The following CTDSPL variants were observed in gnomAD, a reference collection of about 807,000 sequenced individuals.
CTDSPL encodes the protein CTD small phosphatase like.
A neutral mutation model predicts 30.5 loss-of-function variants in CTDSPL; 8 were observed. The ratio of observed to expected loss-of-function variants is 0.26; its 90% CI spans 0.15 to 0.47. The LOEUF (loss-of-function observed/expected upper bound fraction) is 0.47, where lower values mean the gene tolerates loss of function less well. Ranked by LOEUF, CTDSPL falls within the 20% of genes least tolerant of loss-of-function variation. CTDSPL has a pLI of 0.99. For missense variants in CTDSPL, 248 were observed against 366.1 expected (o/e 0.68, Z 2.63); for synonymous variants, 110 against 137.9 (o/e 0.80, Z 1.42).
At chr3:37,952,754 C>T (rs893277550) in intron 2 of CTDSPL, among the ~76,000 whole-genome samples, 1 of 152,198 alleles carries the variant, frequency 6.6e-6, no homozygotes, top group African/African-American at 2.4e-5. Context: ...CAGCATATTC[C>T]TGCTCTCAAC....
At chr3:37,875,984 T>C (rs956257989) in intron 1 of CTDSPL, among the ~76,000 whole-genome samples, 3 of 152,144 alleles carry the variant, frequency 2.0e-5, no homozygotes, top group African/African-American at 7.2e-5. Context: ...GGCTCACACC[T>C]GTAATCCCAG....
intron 5 of CTDSPL, among the ~76,000 whole-genome samples, chr3:37,969,185 CATAG>C (rs1333350263): frequency 6.6e-6 from 1 of 152,228 alleles, no homozygotes; most frequent in Admixed American, 6.5e-5. Context: ...TGCCCAATGG[CATAG>C]CAAGAATTAG....
chr3:37,880,531 T>A (rs1383166734), intron 1 of CTDSPL, among the ~76,000 whole-genome samples: 1 of 152,178 alleles, frequency 6.6e-6, no homozygotes, highest in East Asian at 1.9e-4. Context: ...TATTTTGTTG[T>A]TTATAGAACA....
chr3:37,956,398 A>G (rs1430123787), intron 2 of CTDSPL, among the ~76,000 whole-genome samples: 1 of 152,272 alleles, frequency 6.6e-6, no homozygotes, highest in Non-Finnish European at 1.5e-5. Context: ...GGAAATGCTC[A>G]GTGGAAATAA....
At chr3:37,946,646 G>A (rs1699042184) in intron 1 of CTDSPL, among the ~76,000 whole-genome samples, 1 of 152,236 alleles carries the variant, frequency 6.6e-6, no homozygotes, top group South Asian at 2.1e-4. Context: ...ATGGAGAGAT[G>A]CTTCCCAGGG....
chr3:37,972,664 T>G (rs1699380463), intron 6 of CTDSPL, among the ~76,000 whole-genome samples: 1 of 152,198 alleles, frequency 6.6e-6, no homozygotes, highest in South Asian at 2.1e-4. Flanking sequence ...CCCAGTATGG[T>G]TTAGTCTCCC....
rs557570770 is a variant in CTDSPL, at chr3:37,881,892, T to C, written c.79+19614T>C. Among the ~76,000 whole-genome samples, 15 of 152,334 alleles carry C rather than the reference T, an allele frequency of 9.8e-5. No homozygotes were observed. The South Asian group carries it at 2.9e-3, about 29-fold the overall frequency. ...CAGGGAGTTTCTGTTGTATCTCTAA[T>C]GTTTTGCTTTTTATGAACTGTTTTC... is the stretch of plus-strand genomic sequence containing the variant. On this transcript the variant is annotated intron_variant, in intron 1 of 7. Transcript: ENST00000273179.
chr3:37,974,038 C>T (rs946523057), intron 6 of CTDSPL, among the ~76,000 whole-genome samples: 2 of 152,190 alleles, frequency 1.3e-5, no homozygotes, highest in East Asian at 1.9e-4. Flanking sequence ...TTTCTTAAAA[C>T]GTTAGGAGAT....
rs75066328 is a variant in CTDSPL at position 37,938,289 on chromosome 3, G to A, written c.80-8768G>A. ...ATCGGTGCAGACCTCAGAGGTTTGGGTCCTGAAGCCAGGGGTTAAGGATGG... is the reference window on the plus strand; with the variant it reads ...ATCGGTGCAGACCTCAGAGGTTTGGATCCTGAAGCCAGGGGTTAAGGATGG... On this transcript the variant is annotated intron_variant, in intron 1 of 7. Coordinates refer to ENST00000273179, the MANE Select transcript of CTDSPL (RefSeq NM_001008392.2). Among the ~76,000 whole-genome samples the A allele has an allele frequency of 6.5e-3, 973 of 150,158 alleles. 81 individuals carry two copies. In the East Asian group the frequency reaches 0.083, roughly 13 times the overall value.
At chr3:37,976,024 A>G in intron 7 of CTDSPL, 130 bp downstream of exon 7, 1 of 994,052 alleles carries the variant, frequency 1.0e-6, no homozygotes, top group South Asian at 1.7e-5. Context: ...CAGCTCTGCC[A>G]TTTAGCAGTT....
At chr3:37,926,072 AT>A (rs1298636700) in intron 1 of CTDSPL, among the ~76,000 whole-genome samples, 3 of 152,212 alleles carry the variant, frequency 2.0e-5, no homozygotes, top group African/African-American at 7.2e-5. Flanking sequence ...TGTTGGATGA[AT>A]TCACTACCCT....
chr3:37,893,168 G>A (rs1376580259), intron 1 of CTDSPL, among the ~76,000 whole-genome samples: 1 of 152,190 alleles, frequency 6.6e-6, no homozygotes, highest in Non-Finnish European at 1.5e-5. Flanking sequence ...CTGCCCTTTA[G>A]CAGGACAGAA....
intron 1 of CTDSPL, among the ~76,000 whole-genome samples, chr3:37,932,272 T>C (rs546420537): frequency 6.6e-6 from 1 of 152,306 alleles, no homozygotes; most frequent in African/African-American, 2.4e-5. Context: ...GAAGAGAATA[T>C]AAGTGAATAG....
intron 1 of CTDSPL, among the ~76,000 whole-genome samples, chr3:37,903,192 G>T (rs1301625648): frequency 6.6e-6 from 1 of 152,208 alleles, no homozygotes; most frequent in Non-Finnish European, 1.5e-5. Context: ...GACTTGGGAA[G>T]GGGCAGCCGG....
At chr3:37,966,715 T>C (rs1699302709) in intron 4 of CTDSPL, among the ~76,000 whole-genome samples, 1 of 151,838 alleles carries the variant, frequency 6.6e-6, no homozygotes, top group African/African-American at 2.4e-5. Flanking sequence ...TTTTTTTGTT[T>C]TGTTTTTTGT....
At chr3:37,974,628 T>C (rs1255195850) in intron 6 of CTDSPL, among the ~76,000 whole-genome samples, 1 of 152,172 alleles carries the variant, frequency 6.6e-6, no homozygotes, top group Non-Finnish European at 1.5e-5. Context: ...CTTTATTTCT[T>C]TCTCCAAGCC....
chr3:37,927,485 A>C (rs1357595543), intron 1 of CTDSPL, among the ~76,000 whole-genome samples: 1 of 152,082 alleles, frequency 6.6e-6, no homozygotes, highest in Admixed American at 6.6e-5. Flanking sequence ...ATTTTGGATA[A>C]GGGATCTTCA....
intron 4 of CTDSPL, among the ~76,000 whole-genome samples, chr3:37,967,033 T>A (rs1699306450): frequency 6.6e-6 from 1 of 152,244 alleles, no homozygotes; most frequent in Non-Finnish European, 1.5e-5. Context: ...ATTTTAAATG[T>A]CATTAATATT....
At chr3:37,959,466 T>C (rs908097539) in intron 3 of CTDSPL, among the ~76,000 whole-genome samples, 1 of 152,220 alleles carries the variant, frequency 6.6e-6, no homozygotes, top group Non-Finnish European at 1.5e-5. Flanking sequence ...CATTTATCCT[T>C]CCAGAAGTTT....
Sources: allele counts gnomAD v4.1 joint callset (sites outside exome capture counted in the v4.1 genomes callset), GRCh38; gene constraint gnomAD v4.1.1; transcripts MANE v1.5; gene names NCBI Gene and HGNC (gene_info 2026-07-23, HGNC 2026-07-21).